ACAD10: variants seen among roughly 807,000 people sequenced by gnomAD.
ACAD10 encodes acyl-CoA dehydrogenase family member 10, also known as ACAD-10.
ACAD10 carries 112 observed loss-of-function variants against 116.8 expected under a neutral mutation model. That is an observed-to-expected ratio of 0.96 (90% CI 0.82 to 1.12). The LOEUF (loss-of-function observed/expected upper bound fraction) is 1.12. ACAD10 is among the 50% of genes most tolerant of loss of function. The pLI, the probability that ACAD10 is intolerant of heterozygous loss-of-function variation, is 0.00. For missense variants in ACAD10, 1,259 were observed against 1,350.2 expected, an observed-to-expected ratio of 0.93 and a Z score of 1.06; for synonymous variants, 486 against 510.6, an observed-to-expected ratio of 0.95 and a Z score of 0.65.
chr12:111,750,019 C>T (rs1177681174), intron 18 of ACAD10, among the ~76,000 whole-genome samples: 1 of 151,274 alleles, frequency 6.6e-6, no homozygotes, highest in South Asian at 2.1e-4. Flanking sequence ...GTGATCTGCC[C>T]GCCTCGGGCT....
intron 9 of ACAD10, 107 bp downstream of exon 9, chr12:111,728,250 A>G (rs1889282269): frequency 8.9e-7 from 1 of 1,123,760 alleles, no homozygotes; most frequent in Non-Finnish European, 1.2e-6. Context: ...CACCAAGCGT[A>G]AGGCAGACTT....
chr12:111,736,895 C>T lies in ACAD10; in HGVS notation c.1605C>T (p.Tyr535=). ...CTGCAGAGGAGTATTTCAGGATGTA[C>T]TGTCTCCAAATGGGGCTCCCTCCCA... ...IPAAEEYFRM[Y]CLQMGLPPTE... Residue 535 remains tyrosine, a synonymous_variant, in exon 12 of 21, where the codon TAC becomes TAT. Transcript: ENST00000313698. 1.2e-6 allele frequency: 2 copies of T among 1,614,174 alleles called. No individual in the cohort carries two copies. The highest frequency in any genetic ancestry group is 1.7e-6 in the Non-Finnish European group (2 of 1,180,026).
intron 9 of ACAD10, 50 bp downstream of exon 9, chr12:111,728,193 T>C (rs770702107): frequency 6.5e-7 from 1 of 1,528,726 alleles, no homozygotes; most frequent in African/African-American, 1.4e-5. Context: ...CACTAGTGCT[T>C]CTGCTTTTAG....
intron 12 of ACAD10, among the ~76,000 whole-genome samples, chr12:111,742,732 G>A (rs957136574): frequency 4.6e-5 from 7 of 152,124 alleles, no homozygotes; most frequent in African/African-American, 1.2e-4. Context: ...TTTTTGAGAC[G>A]GAATTTTGCT....
chr12:111,722,368 A>ATTAT (rs1245952499), intron 8 of ACAD10, among the ~76,000 whole-genome samples: 35 of 143,590 alleles, frequency 2.4e-4, no homozygotes, highest in African/African-American at 9.8e-4. Flanking sequence ...CCGGCCCTAA[A>ATTAT]CTATTTATTT....
intron 8 of ACAD10, among the ~76,000 whole-genome samples, 186 bp from the exon 9 acceptor site, chr12:111,727,776 G>C (rs1889261390): frequency 6.6e-6 from 1 of 152,108 alleles, no homozygotes; most frequent in Non-Finnish European, 1.5e-5. Context: ...TCCATTGCAA[G>C]AGAGGATACT....
chr12:111,723,518 C>G (rs1305939647), intron 8 of ACAD10, among the ~76,000 whole-genome samples: 1 of 140,760 alleles, frequency 7.1e-6, no homozygotes, highest in Non-Finnish European at 1.6e-5. Context: ...GGCAGAGGGG[C>G]TCCTCACTTC....
At chr12:111,743,976 G>A (rs1167022706) in intron 12 of ACAD10, among the ~76,000 whole-genome samples, 2 of 151,626 alleles carry the variant, frequency 1.3e-5, no homozygotes, top group African/African-American at 4.8e-5. Context: ...TTGAACTCCC[G>A]ACCTCAAGTG....
At chr12:111,723,138 G>C (rs1485084764) in intron 8 of ACAD10, among the ~76,000 whole-genome samples, 2 of 145,922 alleles carry the variant, frequency 1.4e-5, no homozygotes, top group African/African-American at 2.5e-5. Flanking sequence ...CTAGCCGGGC[G>C]GGGGGCTGAC....
intron 11 of ACAD10, 149 bp downstream of exon 11, chr12:111,734,217 C>A: frequency 8.8e-7 from 1 of 1,134,440 alleles, no homozygotes; most frequent in Non-Finnish European, 1.2e-6. Context: ...AGAATGCAGT[C>A]CTGTCACATT....
intron 8 of ACAD10, among the ~76,000 whole-genome samples, chr12:111,724,611 T>C (rs1005776371): frequency 2.0e-5 from 3 of 152,164 alleles, no homozygotes; most frequent in African/African-American, 7.2e-5. Flanking sequence ...GAGACCGGCC[T>C]GGCCAACACA....
At chr12:111,699,349 G>C (rs1566142324) in intron 2 of ACAD10, among the ~76,000 whole-genome samples, 2 of 152,136 alleles carry the variant, frequency 1.3e-5, no homozygotes, top group Non-Finnish European at 2.9e-5. Context: ...ACTGCTAAAA[G>C]AGCATAAAAT....
At position 111,755,727 on chromosome 12, in the gene ACAD10, G is replaced by T; in HGVS notation, c.3021G>T (p.Val1007=). ...TCGCCCCGTCCATGGCCTCCCGAGT[G>T]ATTGATCGTGCGATTCAGGTGAGCA... The part of the protein sequence containing the change: ...KMVAPSMASR[V]IDRAIQAFGA... The change falls in exon 20 of 21, where the codon GTG becomes GTT. Residue 1007 remains valine, a synonymous_variant. Transcript: ENST00000313698. 6.2e-7 allele frequency: 1 copy of T among 1,613,844 alleles called. No homozygotes were observed. Among genetic ancestry groups the T allele is most frequent in the Non-Finnish European group, 8.5e-7 (1 of 1,179,950 alleles).
At chr12:111,725,227 A>T (rs1302772788) in intron 8 of ACAD10, among the ~76,000 whole-genome samples, 1 of 152,074 alleles carries the variant, frequency 6.6e-6, no homozygotes, top group Non-Finnish European at 1.5e-5. Context: ...AAAGACATTG[A>T]CCGGGCATAG....
At chr12:111,752,089 G>A (rs1890087713) in intron 18 of ACAD10, among the ~76,000 whole-genome samples, 1 of 151,538 alleles carries the variant, frequency 6.6e-6, no homozygotes, top group Admixed American at 6.6e-5. Context: ...GCCAGGTGTG[G>A]TGGCACACAT....
chr12:111,702,738 T>A (rs374094293), intron 3 of ACAD10, among the ~76,000 whole-genome samples: 6 of 151,862 alleles, frequency 4.0e-5, no homozygotes, highest in Non-Finnish European at 5.9e-5. Context: ...TCAAAAAAAA[T>A]AATAATAAAG....
At chr12:111,739,722 C>T (rs1226697299) in intron 12 of ACAD10, among the ~76,000 whole-genome samples, 1 of 151,766 alleles carries the variant, frequency 6.6e-6, no homozygotes, top group Admixed American at 6.6e-5. Flanking sequence ...TGCATCACCG[C>T]AGTCTAGCCT....
intron 8 of ACAD10, among the ~76,000 whole-genome samples, chr12:111,725,122 G>A (rs1440322073): frequency 3.3e-5 from 5 of 152,148 alleles, no homozygotes; most frequent in Non-Finnish European, 5.9e-5. Context: ...GTATATGTGT[G>A]TGTGTATACA....
chr12:111,713,488 G>T (rs547301855), intron 6 of ACAD10, among the ~76,000 whole-genome samples: 11 of 152,072 alleles, frequency 7.2e-5, no homozygotes, highest in Admixed American at 6.6e-4. Context: ...AGCTGGGTGT[G>T]GTGGTGCACA....
Sources: allele counts gnomAD v4.1 joint callset (sites outside exome capture counted in the v4.1 genomes callset), GRCh38; gene constraint gnomAD v4.1.1; transcripts MANE v1.5; gene names NCBI Gene and HGNC (gene_info 2026-07-23, HGNC 2026-07-21).